The following UPF1 variants were observed in gnomAD, a reference collection of about 807,000 sequenced individuals.
UPF1 encodes UPF1 RNA helicase and ATPase, also known as regulator of nonsense transcripts 1.
Under a neutral mutation model 129.2 loss-of-function variants are expected in UPF1, and 9 were observed. The observed-to-expected ratio is 0.07, with a 90% CI of 0.04 to 0.12. The LOEUF (loss-of-function observed/expected upper bound fraction) is 0.12. Ranked by LOEUF, UPF1 falls within the 10% of genes least tolerant of loss-of-function variation. The pLI is 1.00. For synonymous variants in UPF1, 649 were observed against 644.9 expected, an observed-to-expected ratio of 1.01 and a Z score of -0.10; for missense variants, 788 against 1,525.3, an observed-to-expected ratio of 0.52 and a Z score of 8.05.
chr19:18,844,755 C>T lies in UPF1; in HGVS notation c.232-1225C>T, dbSNP rs180951103. Among the ~76,000 whole-genome samples the T allele has an allele frequency of 2.3e-4, 35 of 152,314 alleles. No individual in the cohort carries two copies. The East Asian group carries it at 3.5e-3, about 15-fold the overall frequency. On this transcript the variant is annotated intron_variant, in intron 1 of 23. Transcript: ENST00000262803. The stretch of plus-strand genomic sequence containing the variant: ...GTCCTTCACCCATCATGTCCCCTGG[C>T]GTGGGCTGTGGAACTTCTCTGTGCC...
chr19:18,850,906 G>A lies in UPF1; in HGVS notation c.810+38G>A. The stretch of plus-strand genomic sequence containing the variant: ...AGCGGGCCGACCCGTGCCTTCGTGT[G>A]GTTTCTGGTTGCGGGGAGGGGAGTG... On this transcript the variant is annotated intron_variant, in intron 5 of 23. Coordinates refer to ENST00000262803, the MANE Select transcript of UPF1 (RefSeq NM_002911.4). This position sits in a 1 kb window ranked among gnomAD's most constrained non-coding sequence, Gnocchi z 7.1. 1.3e-6 allele frequency: 2 copies of A among 1,493,942 alleles called. No individual in the cohort carries two copies. Among genetic ancestry groups the A allele is most frequent in the Non-Finnish European group, 9.0e-7 (1 of 1,116,670 alleles). 92.5% of individuals were successfully genotyped at this position (1,493,942 alleles called of 1,614,324 possible).
rs117634841 is a variant in UPF1, at chr19:18,854,847, T to G, written c.1266-32T>G. 1.8e-3 allele frequency: 2,873 copies of G among 1,612,652 alleles called. 62 individuals are homozygous for G. The East Asian group carries it at 0.052, about 29-fold the overall frequency. ...GATGTCGGAGAGGCGGCCACAGCTG[T>G]GCGTGTCGCCAACCCCAAACCCTCC... On this transcript the variant is annotated intron_variant, in intron 9 of 23. Transcript: ENST00000262803.
chr19:18,860,277 G>A lies in UPF1; in HGVS notation c.2183-44G>A, dbSNP rs370233388. 8.8e-6 allele frequency: 14 copies of A among 1,597,830 alleles called. No homozygotes were observed. In the African/African-American group the frequency reaches 9.4e-5, roughly 11 times the overall value. ...CCCTGTGTCTGAACTCATTTGAGGC[G>A]GGCTAGGGCTTTTGAAGTGTTACTT... On this transcript the variant is annotated intron_variant, in intron 15 of 23. Coordinates refer to ENST00000262803, the MANE Select transcript of UPF1 (RefSeq NM_002911.4).
intron 2 of UPF1, 66 bp from the exon 3 acceptor site, chr19:18,847,678 C>G: frequency 6.7e-7 from 1 of 1,486,338 alleles, no homozygotes; most frequent in Non-Finnish European, 9.4e-7. Flanking sequence ...AAGAATTTCA[C>G]ATCTTGCCAA....
chr19:18,840,351 C>T (rs1277994649), intron 1 of UPF1, among the ~76,000 whole-genome samples: 1 of 152,194 alleles, frequency 6.6e-6, no homozygotes, highest in East Asian at 1.9e-4. Flanking sequence ...CAGCTCCTGC[C>T]TGTGGTCTCA....
At chr19:18,855,614 T>A in intron 11 of UPF1, 1 of 496,502 alleles carries the variant, frequency 2.0e-6, no homozygotes, top group Non-Finnish European at 3.6e-6. Flanking sequence ...TTCGGCATCG[T>A]GTCATTACTG....
chr19:18,849,264 G>C (rs2145948830), intron 3 of UPF1: 1 of 153,134 alleles, frequency 6.5e-6, no homozygotes, highest in Non-Finnish European at 1.5e-5. Flanking sequence ...TGGTTTTCCA[G>C]AGGGGAAGAG....
In UPF1 at chr19:18,851,769, A is replaced by G. The variant is rs566930353; in HGVS notation, c.811-366A>G. Among the ~76,000 whole-genome samples, 10 of 152,366 alleles carry G rather than the reference A, an allele frequency of 6.6e-5. No homozygotes were observed. The highest frequency in any genetic ancestry group is 1.9e-4 in the East Asian group (1 of 5,188). On this transcript the variant is annotated intron_variant, in intron 5 of 23. Coordinates refer to ENST00000262803, the MANE Select transcript of UPF1 (RefSeq NM_002911.4). This position sits in a 1 kb window ranked among gnomAD's most constrained non-coding sequence, Gnocchi z 4.2. ...GGCGGGTTAGCTGCTCTCGTTCACAAGCTGGGCATACTTGGAGGAAGCAGC... is the reference window on the plus strand; with the variant it reads ...GGCGGGTTAGCTGCTCTCGTTCACAGGCTGGGCATACTTGGAGGAAGCAGC...
chr19:18,864,185 A>G lies in UPF1; in HGVS notation c.2791A>G (p.Thr931Ala). ...ACCTTCGCAGGGAGCCCGCTTCATG[A>G]CCACAGCCATGTATGATGCCCGGGA... ...NTINPGARFM[T>A]TAMYDAREAI... Residue 931 changes from threonine (T) to alanine (A), a missense_variant, in exon 20 of 24, where the codon ACC (threonine) becomes GCC (alanine). Physicochemically the swap from Thr to Ala is moderately conservative, Grantham distance 58. This residue lies in a region of UPF1 where 218 missense variants were observed against 318.1 expected (regional missense o/e 0.69). Transcript: ENST00000262803. 6.2e-7 allele frequency: 1 copy of G among 1,613,926 alleles called. No homozygotes were observed. Among genetic ancestry groups the G allele is most frequent in the East Asian group, 2.2e-5 (1 of 44,882 alleles).
At chr19:18,843,369 C>T (rs1244579442) in intron 1 of UPF1, among the ~76,000 whole-genome samples, 3 of 152,186 alleles carry the variant, frequency 2.0e-5, no homozygotes, top group African/African-American at 7.2e-5. Context: ...ACAGCAGGTG[C>T]AAGGCCTGGG....
Position 18,845,709 on chromosome 19 carries a change from A to C in UPF1, c.232-271A>C, listed in dbSNP as rs555633878. 2.6e-5 allele frequency among the ~76,000 whole-genome samples: 4 copies of C among 151,916 alleles called. No individual in the cohort carries two copies. In the South Asian group the frequency reaches 8.3e-4, roughly 32 times the overall value. ...GTCATGGGAAAGAAGCATCTTCCTAAGCATCCTGGTTGTGGGCATGGACAT... is the reference window on the plus strand; with the variant it reads ...GTCATGGGAAAGAAGCATCTTCCTACGCATCCTGGTTGTGGGCATGGACAT... On this transcript the variant is annotated intron_variant, in intron 1 of 23. Transcript: ENST00000262803.
chr19:18,841,788 T>A (rs1225803378), intron 1 of UPF1, among the ~76,000 whole-genome samples: 2 of 152,024 alleles, frequency 1.3e-5, no homozygotes, highest in African/African-American at 4.8e-5. Context: ...CCTTGCACAC[T>A]CGGCCCGTTG....
intron 2 of UPF1, among the ~76,000 whole-genome samples, chr19:18,846,668 A>G (rs953777079): frequency 1.3e-5 from 2 of 152,080 alleles, no homozygotes; most frequent in Non-Finnish European, 2.9e-5. Flanking sequence ...TTTGTGACAC[A>G]CAAGTGAGGA....
In UPF1 at chr19:18,868,181, T is replaced by G. The variant is rs888999216; in HGVS notation, c.*1664T>G. 3 of 233,128 alleles carry G rather than the reference T, an allele frequency of 1.3e-5. No individual in the cohort carries two copies. The highest frequency in any genetic ancestry group is 2.6e-5 in the Non-Finnish European group (3 of 115,890). 14.4% of individuals were successfully genotyped at this position (233,128 alleles called of 1,614,324 possible). ...AGGCAATGTAACTTTTGATTTTCGG[T>G]CAATTTAAGTTCTTTTGTCACCAAA... On this transcript the variant is annotated 3_prime_UTR_variant, in exon 24 of 24. Transcript: ENST00000262803.
intron 23 of UPF1, 143 bp downstream of exon 23, chr19:18,866,309 A>G (rs2055843625): frequency 2.4e-5 from 32 of 1,310,302 alleles, no homozygotes; most frequent in Non-Finnish European, 3.1e-5. Context: ...CCTCAGGGCC[A>G]GCTTGGCCTG....
chr19:18,847,695 A>G, intron 2 of UPF1, 49 bp from the exon 3 acceptor site: 1 of 1,577,520 alleles, frequency 6.3e-7, no homozygotes, highest in South Asian at 1.1e-5. Flanking sequence ...CCAAATGAAA[A>G]CCAGAGAGCA....
chr19:18,864,810 G>A (rs962620268), intron 20 of UPF1, among the ~76,000 whole-genome samples: 2 of 130,418 alleles, frequency 1.5e-5, no homozygotes, highest in Admixed American at 2.0e-4. Context: ...TGTGATCTTG[G>A]CTCACTGCAA....
At chr19:18,839,397 T>C (rs1450221746) in intron 1 of UPF1, among the ~76,000 whole-genome samples, 1 of 152,160 alleles carries the variant, frequency 6.6e-6, no homozygotes, top group Non-Finnish European at 1.5e-5. Context: ...CCTGGCCCCT[T>C]TAAGTATAGA....
chr19:18,836,575 G>C (rs73526907), intron 1 of UPF1, among the ~76,000 whole-genome samples: 15,797 of 152,156 alleles, frequency 0.1, 900 homozygotes, highest in East Asian at 0.24. Flanking sequence ...CAGGAAACTT[G>C]GGGGTAATGG....
Sources: gnomAD v4.1 joint callset for allele counts (sites outside exome capture counted in the v4.1 genomes callset) on GRCh38, gnomAD v4.1.1 for gene constraint, gnomAD v4.1.1 regional missense constraint, Gnocchi (gnomAD v3.1) non-coding constraint, MANE v1.5 for transcripts, NCBI Gene and HGNC (gene_info 2026-07-23, HGNC 2026-07-21) for gene names.